CFAP206: variants seen among roughly 807,000 people sequenced by gnomAD.
The protein encoded by CFAP206 is cilia and flagella associated protein 206.
In CFAP206, 53 loss-of-function variants were observed where a neutral mutation model predicts 65.4. The ratio of observed to expected loss-of-function variants is 0.81; its 90% CI spans 0.65 to 1.02. CFAP206 has a LOEUF of 1.02. CFAP206 is among the 50% of genes least tolerant of loss of function. The probability of loss-of-function intolerance (pLI) is 0.00; values close to 1 mark genes in which losing one functional copy is unlikely to be tolerated. For synonymous variants in CFAP206, 250 were observed against 254.4 expected (o/e 0.98, Z 0.17); for missense variants, 663 against 753.2 (o/e 0.88, Z 1.40).
At chr6:87,436,570 A>T (rs984397754) in intron 11 of CFAP206, 6 of 153,064 alleles carry the variant, frequency 3.9e-5, no homozygotes, top group African/African-American at 1.4e-4. Flanking sequence ...AAGTCATCTG[A>T]GGAGGGTGGG....
intron 11 of CFAP206, among the ~76,000 whole-genome samples, chr6:87,449,728 A>C (rs142254060): frequency 6.6e-6 from 1 of 152,224 alleles, no homozygotes; most frequent in East Asian, 1.9e-4. Flanking sequence ...CTGGATATTC[A>C]TCCCTTAATG....
intron 11 of CFAP206, among the ~76,000 whole-genome samples, chr6:87,439,239 G>A (rs1768326575): frequency 6.6e-6 from 1 of 151,844 alleles, no homozygotes; most frequent in Non-Finnish European, 1.5e-5. Context: ...TTTTTCCTAT[G>A]GTAGTTTCAT....
intron 9 of CFAP206, 79 bp from the exon 10 acceptor site, chr6:87,430,954 G>C: frequency 1.5e-6 from 2 of 1,339,016 alleles, no homozygotes; most frequent in Non-Finnish European, 2.1e-6. Context: ...GTAATGTTTA[G>C]AATGAGCTAC....
At position 87,426,716 on chromosome 6, in the gene CFAP206, T is replaced by G. The variant is rs543732788; in HGVS notation, c.960+71T>G. The G allele has an allele frequency of 6.6e-5, 74 of 1,114,506 alleles. No homozygotes were observed. In the African/African-American group the frequency reaches 1.2e-3, roughly 18 times the overall value. The allele number at this position is 1,114,506 out of a possible 1,614,324, so 69.0% of individuals were successfully genotyped here. A position where few individuals can be genotyped will look rare whatever the true frequency, so the allele number is the denominator to read the frequency against. On this transcript the variant is annotated intron_variant, in intron 8 of 12. Coordinates refer to ENST00000369562, the MANE Select transcript of CFAP206 (RefSeq NM_001031743.3). The stretch of plus-strand genomic sequence containing the variant: ...GAGCCCTATAATATTGGATCGCAAG[T>G]CATTATAATTATATTTAATTTCTAA...
chr6:87,424,463 G>C (rs1008197370), intron 7 of CFAP206, among the ~76,000 whole-genome samples: 1 of 151,942 alleles, frequency 6.6e-6, no homozygotes, highest in Non-Finnish European at 1.5e-5. Flanking sequence ...ATTTTTAGTG[G>C]AGATGGGGTT....
chr6:87,464,260 A>G lies in CFAP206; in HGVS notation c.*10A>G, dbSNP rs1364541223. 5.0e-6 allele frequency: 8 copies of G among 1,602,424 alleles called. No homozygotes were observed. The highest frequency in any genetic ancestry group is 1.3e-5 in the African/African-American group (1 of 74,652). On this transcript the variant is annotated 3_prime_UTR_variant, in exon 13 of 13. Transcript: ENST00000369562. ...TGTGGATGAAACCTAATTACAGACA[A>G]CGTTTTAAAATAGATGCTACTCAAT...
chr6:87,454,375 G>A (rs1315713831), intron 11 of CFAP206, among the ~76,000 whole-genome samples: 5 of 152,118 alleles, frequency 3.3e-5, no homozygotes, highest in Non-Finnish European at 5.9e-5. Context: ...CTGCACTGTA[G>A]GCCAAATTGA....
At chr6:87,444,754 C>A in intron 11 of CFAP206, 1 of 459,254 alleles carries the variant, frequency 2.2e-6, no homozygotes, top group Admixed American at 2.8e-5. Context: ...CTCATACTTT[C>A]TCTGATGTTC....
At chr6:87,432,824 C>G (rs185142194) in intron 10 of CFAP206, among the ~76,000 whole-genome samples, 1 of 152,206 alleles carries the variant, frequency 6.6e-6, no homozygotes, top group Admixed American at 6.5e-5. Context: ...TGAATTCTGA[C>G]GATTTCTGCT....
chr6:87,426,521 C>T lies in CFAP206; in HGVS notation c.841-5C>T. 1 of 1,562,064 alleles carries T rather than the reference C, an allele frequency of 6.4e-7. No individual in the cohort carries two copies. Among genetic ancestry groups the T allele is most frequent in the Non-Finnish European group, 8.7e-7 (1 of 1,155,696 alleles). On this transcript the variant is annotated splice_polypyrimidine_tract_variant and splice_region_variant and intron_variant, in intron 7 of 12. Transcript: ENST00000369562. ...ATATTAATGCAAATTATGTTGTTTT[C>T]ACAGTCAGATATAATTACTGGTGCT...
intron 6 of CFAP206, among the ~76,000 whole-genome samples, chr6:87,417,107 G>A (rs1767846881): frequency 1.3e-5 from 2 of 152,136 alleles, no homozygotes; most frequent in African/African-American, 4.8e-5. Flanking sequence ...GTTCAGCAGG[G>A]CTTTGTGTTC....
chr6:87,428,501 GT>G, intron 8 of CFAP206, 124 bp from the exon 9 acceptor site: 1 of 818,126 alleles, frequency 1.2e-6, no homozygotes, highest in Non-Finnish European at 2.0e-6. Context: ...GTCTAAGTTC[GT>G]AAGACTTTTG....
intron 11 of CFAP206, among the ~76,000 whole-genome samples, chr6:87,457,646 C>T (rs975948664): frequency 2.0e-5 from 3 of 152,168 alleles, no homozygotes; most frequent in Admixed American, 6.5e-5. Flanking sequence ...CCCTATCTCT[C>T]GCCATATACA....
chr6:87,461,510 T>C (rs1295614727), intron 12 of CFAP206, among the ~76,000 whole-genome samples: 1 of 152,016 alleles, frequency 6.6e-6, no homozygotes, highest in African/African-American at 2.4e-5. Flanking sequence ...AGCATAGATA[T>C]TTTCCCCTCA....
At position 87,462,547 on chromosome 6, in the gene CFAP206, C is replaced by A. The variant is rs2127958412; in HGVS notation, c.1638+1382C>A. 2.0e-5 allele frequency among the ~76,000 whole-genome samples: 3 copies of A among 152,244 alleles called. No homozygotes were observed. The East Asian group carries it at 5.8e-4, about 29-fold the overall frequency. On this transcript the variant is annotated intron_variant, in intron 12 of 12. Coordinates refer to ENST00000369562, the MANE Select transcript of CFAP206 (RefSeq NM_001031743.3). ...TTTCAGTACCTCCTTGTAAGTGGTACCTCCTTGTAAGTGGTGTAACAGAAG... is the reference window on the plus strand; with the variant it reads ...TTTCAGTACCTCCTTGTAAGTGGTAACTCCTTGTAAGTGGTGTAACAGAAG...
intron 7 of CFAP206, 55 bp from the exon 8 acceptor site, chr6:87,426,471 T>C (rs1768045482): frequency 2.2e-6 from 3 of 1,349,972 alleles, no homozygotes; most frequent in Non-Finnish European, 3.0e-6. Context: ...GAAACACATA[T>C]GATTTTTATA....
intron 7 of CFAP206, among the ~76,000 whole-genome samples, chr6:87,421,815 C>A (rs1388560445): frequency 6.6e-6 from 1 of 152,166 alleles, no homozygotes; most frequent in African/African-American, 2.4e-5. Flanking sequence ...CATTCACAGA[C>A]ACACAACACA....
chr6:87,428,584 A>G, intron 8 of CFAP206, 42 bp from the exon 9 acceptor site: 1 of 1,521,384 alleles, frequency 6.6e-7, no homozygotes, highest in South Asian at 1.1e-5. Context: ...TTATAATTTT[A>G]TTACACAGTT....
rs771627035 is a variant in CFAP206, at chr6:87,434,654, C to T, written c.1301-206C>T. 1.4e-3 allele frequency among the ~76,000 whole-genome samples: 217 copies of T among 151,966 alleles called. 6 individuals carry two copies. Among genetic ancestry groups the T allele is most frequent in the Non-Finnish European group, 1.1e-3 (75 of 67,988 alleles). ...CTGGGATTAGAGGTGCACACCACCA[C>T]GCCCATCTAATTTTAGTATTTTTAG... On this transcript the variant is annotated intron_variant, in intron 10 of 12. Transcript: ENST00000369562.
Sources: gnomAD v4.1 joint callset for allele counts (sites outside exome capture counted in the v4.1 genomes callset) on GRCh38, gnomAD v4.1.1 for gene constraint, MANE v1.5 for transcripts, NCBI Gene and HGNC (gene_info 2026-07-23, HGNC 2026-07-21) for gene names.